The following IL22RA2 variants were observed in gnomAD, a reference collection of about 807,000 sequenced individuals.
The protein encoded by IL22RA2 is interleukin-22 receptor subunit alpha-2.
IL22RA2 carries 39 observed loss-of-function variants against 30.7 expected under a neutral mutation model. The observed-to-expected ratio is 1.27, with a 90% CI of 0.98 to 1.66. IL22RA2 has a LOEUF of 1.66. Ranked by LOEUF, IL22RA2 falls within the 40% of genes most tolerant of loss-of-function variation. IL22RA2 has a pLI of 0.00. For synonymous variants in IL22RA2, 103 were observed against 105.0 expected (o/e 0.98, Z 0.11); for missense variants, 315 against 312.7 (o/e 1.01, Z -0.05).
Position 137,161,692 on chromosome 6 carries a change from C to T in IL22RA2, c.58G>A (p.Ala20Thr), listed in dbSNP as rs1349064813. The change falls in exon 2 of 7, where the codon GCA becomes ACA. Residue 20 changes from alanine to threonine, a missense_variant. Transcript: ENST00000296980. The stretch of plus-strand genomic sequence containing the variant: ...TAAAAAGAAACAAAGCACTTACCTG[C>T]TACACCAGTAAGGAAGAAACTGATG... The part of the protein sequence containing the change: ...FLISFFLTGV[A>T]GTQSTHESLK... 1.2e-6 allele frequency: 2 copies of T among 1,612,572 alleles called. No homozygotes were observed. The highest frequency in any genetic ancestry group is 1.7e-6 in the Non-Finnish European group (2 of 1,178,786).
intron 1 of IL22RA2, among the ~76,000 whole-genome samples, chr6:137,169,648 G>C (rs1440167275): frequency 1.3e-5 from 2 of 152,184 alleles, no homozygotes; most frequent in African/African-American, 4.8e-5. Context: ...GATGGGTCAT[G>C]GGGATACTGT....
Position 137,158,602 on chromosome 6 carries a change from T to C in IL22RA2, c.62-120A>G. ...CTAAAGTAGTTGCTCTAAGTGCAGA[T>C]AGTAGAGGTGGAGCCCAGAAATCAA... is the stretch of plus-strand genomic sequence containing the variant. On this transcript the variant is annotated intron_variant, in intron 2 of 6. Coordinates refer to ENST00000296980, the MANE Select transcript of IL22RA2 (RefSeq NM_052962.3). 4.1e-6 allele frequency: 4 copies of C among 971,662 alleles called. No individual in the cohort carries two copies. The East Asian group carries it at 7.3e-5, about 18-fold the overall frequency. 60.2% of individuals were successfully genotyped at this position (971,662 alleles called of 1,614,324 possible). A position where few individuals can be genotyped will look rare whatever the true frequency, so the allele number is the denominator to read the frequency against.
chr6:137,150,122 C>T (rs1778259583), intron 5 of IL22RA2, among the ~76,000 whole-genome samples: 1 of 152,192 alleles, frequency 6.6e-6, no homozygotes, highest in South Asian at 2.1e-4. Context: ...AGATAGACAC[C>T]ATAAATCAGA....
intron 1 of IL22RA2, among the ~76,000 whole-genome samples, chr6:137,173,156 G>A (rs1778776697): frequency 6.6e-6 from 1 of 152,228 alleles, no homozygotes; most frequent in Non-Finnish European, 1.5e-5. Flanking sequence ...TGGATCATTT[G>A]AGGTGTGGAG....
chr6:137,157,830 T>C (rs1390855021), intron 3 of IL22RA2, among the ~76,000 whole-genome samples: 1 of 152,174 alleles, frequency 6.6e-6, no homozygotes, highest in Non-Finnish European at 1.5e-5. Context: ...GAGAGGAACA[T>C]GCAGCAGCGT....
rs572479325 is a variant in IL22RA2 at position 137,171,740 on chromosome 6, C to T, written c.-66+1673G>A. On this transcript the variant is annotated intron_variant, in intron 1 of 6. Coordinates refer to ENST00000296980, the MANE Select transcript of IL22RA2 (RefSeq NM_052962.3). ...CAGAAATTTCCTCAGAAACCAGATC[C>T]CAGTGGACCAGGCCACTATCAATTT... Among the ~76,000 whole-genome samples the T allele has an allele frequency of 2.0e-5, 3 of 152,322 alleles. No homozygotes were observed. In the South Asian group the frequency reaches 6.2e-4, roughly 32 times the overall value.
chr6:137,162,392 A>G (rs1318018436), intron 1 of IL22RA2, among the ~76,000 whole-genome samples: 1 of 152,106 alleles, frequency 6.6e-6, no homozygotes. Flanking sequence ...TTCCCACTCC[A>G]TAGTGGTCCT....
intron 1 of IL22RA2, among the ~76,000 whole-genome samples, chr6:137,170,104 A>G (rs1778700853): frequency 6.6e-6 from 1 of 152,206 alleles, no homozygotes; most frequent in African/African-American, 2.4e-5. Context: ...CATAGACTCA[A>G]TGGTAGACAG....
In IL22RA2 at chr6:137,143,839, A is replaced by G. The variant is rs1017923748; in HGVS notation, c.*1785T>C. 1.1e-4 allele frequency: 17 copies of G among 152,266 alleles called. No homozygotes were observed. The highest frequency in any genetic ancestry group is 1.5e-5 in the Non-Finnish European group (1 of 68,046). The allele number at this position is 152,266 out of a possible 1,614,324, so 9.4% of individuals were successfully genotyped here. ...AAAATGTAAAGCAAAAAAAGGATTT[A>G]TTGAAATCATGTGACAATATATCCC... On this transcript the variant is annotated 3_prime_UTR_variant, in exon 7 of 7. Transcript: ENST00000296980.
Position 137,144,922 on chromosome 6 carries a change from C to A in IL22RA2, c.*702G>T, listed in dbSNP as rs1168199386. The A allele has an allele frequency of 6.6e-6, 1 of 152,032 alleles. No individual in the cohort carries two copies. The highest frequency in any genetic ancestry group is 2.4e-5 in the African/African-American group (1 of 41,410). 9.4% of individuals were successfully genotyped at this position (152,032 alleles called of 1,614,324 possible). A position where few individuals can be genotyped will look rare whatever the true frequency, so the allele number is the denominator to read the frequency against. ...AACAGAAAAGAAAAGCTTAATATATCTTTTAAATGAGGGACAATTGTACAG... is the reference window on the plus strand; with the variant it reads ...AACAGAAAAGAAAAGCTTAATATATATTTTAAATGAGGGACAATTGTACAG... On this transcript the variant is annotated 3_prime_UTR_variant, in exon 7 of 7. Transcript: ENST00000296980.
chr6:137,143,978 T>C lies in IL22RA2; in HGVS notation c.*1646A>G, dbSNP rs1778124014. ...AATATACAAACAAAACTTGATCCTA[T>C]CTAATAACTTTCATGAAACAACCAT... is the stretch of plus-strand genomic sequence containing the variant. On this transcript the variant is annotated 3_prime_UTR_variant, in exon 7 of 7. Transcript: ENST00000296980. 6.6e-6 allele frequency: 1 copy of C among 152,138 alleles called. No individual in the cohort carries two copies. The highest frequency in any genetic ancestry group is 6.6e-5 in the Admixed American group (1 of 15,264). The allele number at this position is 152,138 out of a possible 1,614,324, so 9.4% of individuals were successfully genotyped here. A position where few individuals can be genotyped will look rare whatever the true frequency, so the allele number is the denominator to read the frequency against.
At position 137,143,997 on chromosome 6, in the gene IL22RA2, C is replaced by T. The variant is rs1778124443; in HGVS notation, c.*1627G>A. Reference sequence around the variant, plus strand: ...ATCCTATCTAATAACTTTCATGAAACAACCATAAATGAATTTTGTTTTATT... The same window carrying T: ...ATCCTATCTAATAACTTTCATGAAATAACCATAAATGAATTTTGTTTTATT... On this transcript the variant is annotated 3_prime_UTR_variant, in exon 7 of 7. Coordinates refer to ENST00000296980, the MANE Select transcript of IL22RA2 (RefSeq NM_052962.3). The T allele has an allele frequency of 6.6e-6, 1 of 152,100 alleles. No homozygotes were observed. Among genetic ancestry groups the T allele is most frequent in the African/African-American group, 2.4e-5 (1 of 41,416 alleles). The allele number at this position is 152,100 out of a possible 1,614,324, so 9.4% of individuals were successfully genotyped here. A position where few individuals can be genotyped will look rare whatever the true frequency, so the allele number is the denominator to read the frequency against.
intron 1 of IL22RA2, among the ~76,000 whole-genome samples, chr6:137,165,986 C>A (rs949413320): frequency 4.6e-5 from 7 of 152,216 alleles, no homozygotes; most frequent in African/African-American, 1.7e-4. Context: ...GGCCACACTG[C>A]TGCTGATAGA....
intron 1 of IL22RA2, among the ~76,000 whole-genome samples, chr6:137,172,296 C>T (rs73560046): frequency 0.018 from 2,720 of 152,176 alleles, 94 homozygotes; most frequent in African/African-American, 0.062. Context: ...GGAAATTAGG[C>T]GGAGTGGGAT....
At position 137,152,080 on chromosome 6, in the gene IL22RA2, C is replaced by T. The variant is rs533083818; in HGVS notation, c.472+2861G>A. ...AGGTATGCCCAGCTATGTGTGGTGG[C>T]GTATGCCTGATAGTCCTTGGTACTT... is the stretch of plus-strand genomic sequence containing the variant. On this transcript the variant is annotated intron_variant, in intron 5 of 6. Coordinates refer to ENST00000296980, the MANE Select transcript of IL22RA2 (RefSeq NM_052962.3). Among the ~76,000 whole-genome samples the T allele has an allele frequency of 9.9e-5, 15 of 152,102 alleles. No homozygotes were observed. The South Asian group carries it at 1.9e-3, about 19-fold the overall frequency.
chr6:137,156,625 G>T, intron 4 of IL22RA2, 134 bp downstream of exon 4: 1 of 1,188,538 alleles, frequency 8.4e-7, no homozygotes, highest in Non-Finnish European at 1.2e-6. Flanking sequence ...TTTGTCTTGT[G>T]CTGTTGAAAA....
At chr6:137,147,964 A>G in intron 5 of IL22RA2, 73 bp from the exon 6 acceptor site, 1 of 1,353,298 alleles carries the variant, frequency 7.4e-7, no homozygotes. Context: ...ATGTATAATG[A>G]CAAATCAGCA....
In IL22RA2 at chr6:137,161,817, G is replaced by T; in HGVS notation, c.-65-3C>A. On this transcript the variant is annotated splice_region_variant and splice_polypyrimidine_tract_variant and intron_variant, in intron 1 of 6. Transcript: ENST00000296980. ...CCAGCTCAGGACCAAAGAGGAAACTGTAAAATCCACAAACAGACAATCACT... is the reference window on the plus strand; with the variant it reads ...CCAGCTCAGGACCAAAGAGGAAACTTTAAAATCCACAAACAGACAATCACT... 1 of 1,267,040 alleles carries T rather than the reference G, an allele frequency of 7.9e-7. No homozygotes were observed. Among genetic ancestry groups the T allele is most frequent in the Non-Finnish European group, 1.1e-6 (1 of 877,750 alleles). 78.5% of individuals were successfully genotyped at this position (1,267,040 alleles called of 1,614,324 possible).
At chr6:137,170,515 G>A (rs918669616) in intron 1 of IL22RA2, among the ~76,000 whole-genome samples, 1 of 152,156 alleles carries the variant, frequency 6.6e-6, no homozygotes, top group African/African-American at 2.4e-5. Flanking sequence ...TGCAAGACAT[G>A]TCTTTCTCAA....
Sources: gnomAD v4.1 joint callset for allele counts (sites outside exome capture counted in the v4.1 genomes callset) on GRCh38, gnomAD v4.1.1 for gene constraint, MANE v1.5 for transcripts, NCBI Gene and HGNC (gene_info 2026-07-23, HGNC 2026-07-21) for gene names.